LARGE1: variants seen among roughly 807,000 people sequenced by gnomAD.
LARGE1 encodes the protein xylosyl- and glucuronyltransferase LARGE1.
A neutral mutation model predicts 87.6 loss-of-function variants in LARGE1; 43 were observed. That is an observed-to-expected ratio of 0.49 (90% CI 0.38 to 0.63). The LOEUF (loss-of-function observed/expected upper bound fraction) is 0.63, where lower values mean the gene tolerates loss of function less well. LARGE1 is among the 30% of genes least tolerant of loss of function. LARGE1 has a pLI of 0.00. For synonymous variants in LARGE1, 434 were observed against 394.6 expected (o/e 1.10, Z -1.18); for missense variants, 802 against 1,000.2 (o/e 0.80, Z 2.67).
chr22:33,620,113 C>A (rs565548530), intron 4 of LARGE1, among the ~76,000 whole-genome samples: 1 of 152,292 alleles, frequency 6.6e-6, no homozygotes, highest in African/African-American at 2.4e-5. Context: ...AAGGCAGATA[C>A]TGGTCACGAA....
At chr22:33,220,637 T>A (rs75310286) in intron 11 of LARGE1, among the ~76,000 whole-genome samples, 1 of 152,230 alleles carries the variant, frequency 6.6e-6, no homozygotes, top group Non-Finnish European at 1.5e-5. Flanking sequence ...GGAACAGGTA[T>A]TGAGGGATAA....
chr22:33,744,280 T>G (rs1175757620), intron 2 of LARGE1: 1 of 152,208 alleles, frequency 6.6e-6, no homozygotes, highest in East Asian at 1.9e-4. Context: ...TATTGTTGTT[T>G]CCACTTACAC....
chr22:33,512,403 G>T (rs2071095545), intron 6 of LARGE1, among the ~76,000 whole-genome samples: 1 of 152,186 alleles, frequency 6.6e-6, no homozygotes, highest in Non-Finnish European at 1.5e-5. Flanking sequence ...CAGTTACAAA[G>T]ATCGATAATA....
At chr22:33,073,091 C>T in the LARGE1 span, among the ~76,000 whole-genome samples, 1 of 152,180 alleles carries the variant, frequency 6.6e-6, no homozygotes, top group African/African-American at 2.4e-5. Flanking sequence ...TTAAACAGGT[C>T]GTCTGTTGAC....
chr22:33,843,383 G>A (rs1193337652), intron 1 of LARGE1, among the ~76,000 whole-genome samples: 2 of 151,422 alleles, frequency 1.3e-5, no homozygotes, highest in Admixed American at 1.3e-4. Context: ...TTTGCAGTGA[G>A]ACGAGATTGC....
At chr22:33,392,264 T>C (rs1569122684) in intron 7 of LARGE1, among the ~76,000 whole-genome samples, 3 of 151,766 alleles carry the variant, frequency 2.0e-5, no homozygotes, top group South Asian at 2.1e-4. Flanking sequence ...TTAATATCAA[T>C]ATGATTCTTG....
chr22:33,782,693 C>T (rs554927250), intron 1 of LARGE1, among the ~76,000 whole-genome samples: 69 of 151,766 alleles, frequency 4.5e-4, no homozygotes, highest in African/African-American at 1.5e-3. Flanking sequence ...GGTGAAACCC[C>T]GTCTCTACTA....
At chr22:33,288,495 A>G (rs1038176758) in intron 12 of LARGE1, among the ~76,000 whole-genome samples, 1 of 152,122 alleles carries the variant, frequency 6.6e-6, no homozygotes, top group African/African-American at 2.4e-5. Context: ...ATTGATACAT[A>G]TATTACTATC....
At chr22:33,681,451 A>G (rs1191742048) in intron 2 of LARGE1, among the ~76,000 whole-genome samples, 1 of 152,226 alleles carries the variant, frequency 6.6e-6, no homozygotes, top group Non-Finnish European at 1.5e-5. Context: ...TCTGGGCCTC[A>G]TCGTCCTCTT....
intron 1 of LARGE1, among the ~76,000 whole-genome samples, chr22:33,873,745 C>T (rs2064377391): frequency 6.6e-6 from 1 of 151,668 alleles, no homozygotes; most frequent in African/African-American, 2.4e-5. Context: ...CCACTGTCTG[C>T]TACCTCACAT....
At chr22:33,366,896 A>G (rs1471558538) in intron 9 of LARGE1, among the ~76,000 whole-genome samples, 5 of 152,288 alleles carry the variant, frequency 3.3e-5, no homozygotes, top group Non-Finnish European at 7.4e-5. Flanking sequence ...ATTCTCTAGA[A>G]AAGTTTATTT....
In LARGE1 at chr22:33,475,586, C is replaced by CAA. The variant is rs1213058862; in HGVS notation, c.788-43323_788-43322dup. ...AGGGGATTCTCCTGCCTCAGCCTCC[C>CAA]AAGTAGCTGGGATTACAGGCATGCA... On this transcript the variant is annotated intron_variant, in intron 6 of 14. Coordinates refer to ENST00000397394, the MANE Select transcript of LARGE1 (RefSeq NM_133642.5). Among the ~76,000 whole-genome samples, 8 of 151,992 alleles carry CAA rather than the reference C, an allele frequency of 5.3e-5. 1 individual carries two copies. In the South Asian group the frequency reaches 1.7e-3, roughly 32 times the overall value.
chr22:33,829,051 C>T (rs2146317006), intron 1 of LARGE1, among the ~76,000 whole-genome samples: 1 of 146,206 alleles, frequency 6.8e-6, no homozygotes, highest in Non-Finnish European at 1.5e-5. Context: ...CTCTGTTGCC[C>T]AGGCTGGAGT....
chr22:33,067,682 T>C, the LARGE1 span, among the ~76,000 whole-genome samples: 3 of 152,256 alleles, frequency 2.0e-5, no homozygotes, highest in African/African-American at 7.2e-5. Flanking sequence ...TTTTAACCAT[T>C]CTAAAAGACT....
At chr22:33,573,309 T>G (rs1211391563) in intron 5 of LARGE1, among the ~76,000 whole-genome samples, 1 of 151,786 alleles carries the variant, frequency 6.6e-6, no homozygotes, top group South Asian at 2.1e-4. Flanking sequence ...CGTGGTGGTG[T>G]GCGCATGTAA....
At chr22:33,819,056 A>T (rs2086741329) in intron 1 of LARGE1, among the ~76,000 whole-genome samples, 1 of 152,206 alleles carries the variant, frequency 6.6e-6, no homozygotes, top group African/African-American at 2.4e-5. Flanking sequence ...CTGATTTATC[A>T]TCATGCTCAA....
rs151150001 is a variant in LARGE1, at chr22:33,315,888, A to G, written c.1451+197T>C. Among the ~76,000 whole-genome samples the G allele has an allele frequency of 0.021, 3,130 of 152,238 alleles. 121 individuals are homozygous for G. The highest frequency in any genetic ancestry group is 0.071 in the African/African-American group (2,949 of 41,530). ...TGTGATCTGCCTGCCTGGGGCTCCC[A>G]AAGTGCTAGGATTACAGGTGTGAGC... On this transcript the variant is annotated intron_variant, in intron 11 of 14. Transcript: ENST00000397394.
intron 13 of LARGE1, among the ~76,000 whole-genome samples, chr22:33,277,749 C>T (rs1489218316): frequency 6.6e-6 from 1 of 152,176 alleles, no homozygotes; most frequent in African/African-American, 2.4e-5. Context: ...TATGTTAAGC[C>T]ATCCAGTTTG....
At chr22:33,610,225 G>A (rs1291712312) in intron 4 of LARGE1, among the ~76,000 whole-genome samples, 2 of 152,178 alleles carry the variant, frequency 1.3e-5, no homozygotes, top group Non-Finnish European at 2.9e-5. Context: ...ACATACAGGG[G>A]CTAAGAGTTT....
Sources: gnomAD v4.1 joint callset for allele counts (sites outside exome capture counted in the v4.1 genomes callset) on GRCh38, gnomAD v4.1.1 for gene constraint, MANE v1.5 for transcripts, NCBI Gene and HGNC (gene_info 2026-07-23, HGNC 2026-07-21) for gene names.